Variants in ARID1B observed in about 807,000 individuals in gnomAD.
ARID1B encodes the protein AT-rich interaction domain 1B.
Under a neutral mutation model 212.3 loss-of-function variants are expected in ARID1B, and 30 were observed. The ratio of observed to expected loss-of-function variants is 0.14; its 90% CI spans 0.11 to 0.19. ARID1B has a LOEUF of 0.19. Among genes scored for constraint, ARID1B ranks in the 10% least tolerant of loss-of-function variants. The pLI is 1.00. For missense variants in ARID1B, 2,891 were observed against 3,204.0 expected (o/e 0.90, Z 2.36); for synonymous variants, 1,402 against 1,301.7 (o/e 1.08, Z -1.66).
intron 5 of ARID1B, among the ~76,000 whole-genome samples, chr6:157,093,491 T>C (rs1785414371): frequency 6.6e-6 from 1 of 152,246 alleles, no homozygotes; most frequent in Admixed American, 6.5e-5. Flanking sequence ...TGGGTTGTCA[T>C]TGACTAATGA....
intron 8 of ARID1B, 133 bp from the exon 9 acceptor site, chr6:157,166,907 A>G: frequency 8.0e-7 from 1 of 1,254,832 alleles, no homozygotes; most frequent in Non-Finnish European, 1.1e-6. Context: ...CCAGGAAATA[A>G]TCTGTTTTAC....
chr6:157,125,257 A>T (rs1788058636), intron 6 of ARID1B, among the ~76,000 whole-genome samples: 1 of 152,208 alleles, frequency 6.6e-6, no homozygotes, highest in Admixed American at 6.5e-5. Flanking sequence ...TTCTTCTTAG[A>T]GGAGGAAAAC....
intron 6 of ARID1B, among the ~76,000 whole-genome samples, chr6:157,113,024 C>T (rs889617755): frequency 3.3e-5 from 5 of 151,448 alleles, no homozygotes; most frequent in South Asian, 2.1e-4. Context: ...TGGGTTCAAG[C>T]GATTCTTCTG....
At chr6:156,804,114 T>G (rs1326875952) in intron 1 of ARID1B, among the ~76,000 whole-genome samples, 1 of 151,996 alleles carries the variant, frequency 6.6e-6, no homozygotes, top group Non-Finnish European at 1.5e-5. Flanking sequence ...GACTGGCTGA[T>G]CAGTTGAGGT....
chr6:157,196,016 A>C, intron 15 of ARID1B, 149 bp from the exon 16 acceptor site: 4 of 942,942 alleles, frequency 4.2e-6, no homozygotes, highest in Non-Finnish European at 6.1e-6. Context: ...AGCCAAGATC[A>C]CACCACTGCA....
intron 2 of ARID1B, among the ~76,000 whole-genome samples, chr6:156,887,363 T>C (rs568827573): frequency 6.6e-6 from 1 of 152,274 alleles, no homozygotes; most frequent in South Asian, 2.1e-4. Context: ...TCTTGGACAG[T>C]CTGTGGAGAA....
chr6:156,969,944 T>G (rs950023996), intron 4 of ARID1B, among the ~76,000 whole-genome samples: 1 of 151,058 alleles, frequency 6.6e-6, no homozygotes, highest in East Asian at 1.9e-4. Flanking sequence ...AGCACTAGAT[T>G]AAAGCAATTC....
In ARID1B at chr6:157,184,266, C is replaced by G; in HGVS notation, c.3750C>G (p.Thr1250=). The G allele has an allele frequency of 6.2e-7, 1 of 1,612,280 alleles. No homozygotes were observed. Among genetic ancestry groups the G allele is most frequent in the Non-Finnish European group, 8.5e-7 (1 of 1,178,642 alleles). ...NKNKKWRELA[T]NLNVGTSSSA... is the part of the protein sequence containing the mutation. The stretch of plus-strand genomic sequence containing the variant: ...ACAAGAAGTGGCGTGAGCTGGCAAC[C>G]AACCTAAACGTTGGCACCTCAAGCA... The change falls in exon 13 of 20, where the codon ACC becomes ACG. Residue 1250 remains threonine (T), a synonymous_variant. Transcript: ENST00000636930.
intron 7 of ARID1B, chr6:157,140,851 G>A (rs1007250): frequency 0.24 from 93,079 of 392,780 alleles, 12,558 homozygotes; most frequent in African/African-American, 0.45. Flanking sequence ...CTTCCCCTCA[G>A]CACTCTGCAG....
At chr6:156,849,560 A>T (rs1045597656) in intron 2 of ARID1B, among the ~76,000 whole-genome samples, 3 of 152,210 alleles carry the variant, frequency 2.0e-5, no homozygotes, top group Admixed American at 2.0e-4. Context: ...AAAAGAGTCA[A>T]AATTTAAACA....
chr6:156,971,380 A>C (rs1776913716), intron 4 of ARID1B, among the ~76,000 whole-genome samples: 1 of 152,330 alleles, frequency 6.6e-6, no homozygotes, highest in South Asian at 2.1e-4. Flanking sequence ...AAATGGGCAT[A>C]ATAACATATA....
At chr6:156,941,548 T>C (rs922456094) in intron 4 of ARID1B, 3 of 152,254 alleles carry the variant, frequency 2.0e-5, no homozygotes, top group African/African-American at 7.2e-5. Flanking sequence ...AATATGATAG[T>C]GACTCTGACA....
intron 4 of ARID1B, chr6:157,036,630 T>A: frequency 2.9e-6 from 1 of 341,480 alleles, no homozygotes; most frequent in East Asian, 6.4e-5. Context: ...CGCCGTCTTA[T>A]AGAACTGAAA....
intron 4 of ARID1B, among the ~76,000 whole-genome samples, chr6:156,952,761 G>T (rs1793681300): frequency 6.6e-6 from 1 of 152,168 alleles, no homozygotes; most frequent in Admixed American, 6.5e-5. Flanking sequence ...CCATACAAGA[G>T]AATTCAACAG....
At chr6:156,923,623 T>C (rs1466735264) in intron 3 of ARID1B, among the ~76,000 whole-genome samples, 1 of 152,126 alleles carries the variant, frequency 6.6e-6, no homozygotes, top group African/African-American at 2.4e-5. Context: ...TGGTGTGATG[T>C]AGAATTATTA....
intron 8 of ARID1B, among the ~76,000 whole-genome samples, chr6:157,157,361 C>T (rs1462522290): frequency 2.0e-5 from 3 of 152,200 alleles, no homozygotes; most frequent in Admixed American, 6.5e-5. Context: ...GCAACCCCCA[C>T]GGTTCTGAGT....
intron 7 of ARID1B, among the ~76,000 whole-genome samples, chr6:157,139,796 C>T (rs1789207810): frequency 6.6e-6 from 1 of 151,108 alleles, no homozygotes; most frequent in Admixed American, 6.6e-5. Flanking sequence ...AATCTCAGCT[C>T]ACTGCAACCT....
chr6:156,928,230 C>T (rs896073046), intron 3 of ARID1B, among the ~76,000 whole-genome samples: 1 of 152,108 alleles, frequency 6.6e-6, no homozygotes, highest in African/African-American at 2.4e-5. Flanking sequence ...TGTAGGCCTT[C>T]GGGAGGCATT....
intron 4 of ARID1B, among the ~76,000 whole-genome samples, chr6:157,051,615 G>A (rs1210733706): frequency 6.6e-6 from 1 of 152,142 alleles, no homozygotes; most frequent in African/African-American, 2.4e-5. Flanking sequence ...TCTTTTGAAT[G>A]TTTGAATGCT....
Sources: allele counts gnomAD v4.1 joint callset (sites outside exome capture counted in the v4.1 genomes callset), GRCh38; gene constraint gnomAD v4.1.1; transcripts MANE v1.5; gene names NCBI Gene and HGNC (gene_info 2026-07-23, HGNC 2026-07-21).